Variants in ADK observed in about 807,000 individuals in gnomAD.
ADK encodes N6,N6-dimethyladenosine kinase.
In ADK, 24 loss-of-function variants were observed where a neutral mutation model predicts 44.7. The observed-to-expected ratio is 0.54, with a 90% CI of 0.39 to 0.76. The LOEUF is 0.76. Ranked by LOEUF, ADK falls within the 30% of genes least tolerant of loss-of-function variation. The pLI, the probability that ADK is intolerant of heterozygous loss-of-function variation, is 0.00. For synonymous variants in ADK, 128 were observed against 142.6 expected, an observed-to-expected ratio of 0.90 and a Z score of 0.73; for missense variants, 321 against 425.1, an observed-to-expected ratio of 0.76 and a Z score of 2.15.
At chr10:74,635,838 C>T (rs1021913261) in intron 9 of ADK, among the ~76,000 whole-genome samples, 1 of 151,630 alleles carries the variant, frequency 6.6e-6, no homozygotes, top group African/African-American at 2.4e-5. Context: ...AATCCCAATA[C>T]TTTGGGTGGC....
chr10:74,574,051 GA>G (rs1309021360), intron 7 of ADK, among the ~76,000 whole-genome samples: 1 of 152,138 alleles, frequency 6.6e-6, no homozygotes, highest in African/African-American at 2.4e-5. Context: ...CTAGTGAGAT[GA>G]ACCCGGTACC....
intron 1 of ADK, among the ~76,000 whole-genome samples, chr10:74,152,757 C>T (rs1841640745): frequency 6.6e-6 from 1 of 152,094 alleles, no homozygotes; most frequent in Non-Finnish European, 1.5e-5. Context: ...CCAAATAAAA[C>T]AATTAGTACA....
chr10:74,343,765 C>T (rs558806835), intron 4 of ADK, among the ~76,000 whole-genome samples: 115 of 152,220 alleles, frequency 7.6e-4, no homozygotes, highest in Middle Eastern at 3.4e-3. Context: ...CCCAGCACCA[C>T]GCCTAACTTA....
At chr10:74,547,551 G>A (rs1005655697) in intron 7 of ADK, among the ~76,000 whole-genome samples, 20 of 144,744 alleles carry the variant, frequency 1.4e-4, no homozygotes, top group Middle Eastern at 3.8e-3. Flanking sequence ...GTGCAATCTC[G>A]GCTCACTGCA....
chr10:74,563,561 A>T (rs1368274227), intron 7 of ADK, among the ~76,000 whole-genome samples: 1 of 152,216 alleles, frequency 6.6e-6, no homozygotes. Flanking sequence ...GAACTTTCTT[A>T]AATCTGAGTT....
chr10:74,403,677 C>A (rs760750282), intron 6 of ADK, among the ~76,000 whole-genome samples: 1 of 152,086 alleles, frequency 6.6e-6, no homozygotes, highest in South Asian at 2.1e-4. Flanking sequence ...AATGGAATTC[C>A]CCAACCCCTT....
chr10:74,620,684 G>A (rs1488293182), intron 9 of ADK, among the ~76,000 whole-genome samples: 2 of 151,900 alleles, frequency 1.3e-5, no homozygotes, highest in African/African-American at 4.8e-5. Flanking sequence ...TCTTTTCTCT[G>A]CATCCTCACC....
At chr10:74,441,557 A>G (rs1307352053) in intron 6 of ADK, among the ~76,000 whole-genome samples, 2 of 152,232 alleles carry the variant, frequency 1.3e-5, no homozygotes, top group Non-Finnish European at 2.9e-5. Context: ...AGACACAAAA[A>G]TGAACTCAAA....
intron 8 of ADK, among the ~76,000 whole-genome samples, chr10:74,595,884 C>T (rs769235165): frequency 8.0e-5 from 12 of 150,326 alleles, no homozygotes; most frequent in Non-Finnish European, 1.3e-4. Context: ...GTAATCCCAG[C>T]TACTCAGAAG....
intron 4 of ADK, among the ~76,000 whole-genome samples, chr10:74,332,874 A>G (rs1020512382): frequency 3.9e-5 from 6 of 152,200 alleles, no homozygotes; most frequent in Non-Finnish European, 7.4e-5. Flanking sequence ...ATGTTAAAAT[A>G]ATTTTAAGCT....
chr10:74,325,606 A>G (rs1355870853), intron 4 of ADK, among the ~76,000 whole-genome samples: 1 of 152,216 alleles, frequency 6.6e-6, no homozygotes, highest in Non-Finnish European at 1.5e-5. Context: ...TCAGAATAAT[A>G]GCTTTGGATT....
At chr10:74,330,206 T>C (rs1466473554) in intron 4 of ADK, among the ~76,000 whole-genome samples, 1 of 152,092 alleles carries the variant, frequency 6.6e-6, no homozygotes, top group Non-Finnish European at 1.5e-5. Flanking sequence ...TATTATCTAA[T>C]GTGGGTTTTT....
At chr10:74,237,934 A>C (rs1172309598) in intron 3 of ADK, among the ~76,000 whole-genome samples, 1 of 152,158 alleles carries the variant, frequency 6.6e-6, no homozygotes, top group African/African-American at 2.4e-5. Context: ...CCCCGTCTCT[A>C]CTAAGAATAG....
chr10:74,695,649 T>G (rs1258806430), intron 10 of ADK, among the ~76,000 whole-genome samples: 2 of 151,704 alleles, frequency 1.3e-5, no homozygotes, highest in Non-Finnish European at 2.9e-5. Flanking sequence ...TGTGTGTGTG[T>G]GTGTGTGTGA....
rs368367780 is a variant in ADK at position 74,493,828 on chromosome 10, A to T, written c.556-31428A>T. Among the ~76,000 whole-genome samples the T allele has an allele frequency of 1.2e-4, 18 of 152,282 alleles. No homozygotes were observed. In the East Asian group the frequency reaches 3.5e-3, roughly 29 times the overall value. ...TATGTGTACCTACCATGAATGTTTT[A>T]CCTCATCTTTGGTAAGGTCAGAAGT... On this transcript the variant is annotated intron_variant, in intron 6 of 10. Transcript: ENST00000539909.
intron 2 of ADK, among the ~76,000 whole-genome samples, chr10:74,209,035 C>T (rs1435705927): frequency 1.3e-5 from 2 of 152,176 alleles, no homozygotes; most frequent in African/African-American, 4.8e-5. Context: ...CCGCACCCAG[C>T]ATAGATAAGT....
chr10:74,217,261 T>C (rs1844083745), intron 2 of ADK, among the ~76,000 whole-genome samples: 1 of 152,352 alleles, frequency 6.6e-6, no homozygotes, highest in South Asian at 2.1e-4. Flanking sequence ...GGAGTCTTGC[T>C]GATTGCTAGC....
chr10:74,591,957 G>A (rs1014113272), intron 8 of ADK, among the ~76,000 whole-genome samples: 2 of 151,296 alleles, frequency 1.3e-5, no homozygotes, highest in African/African-American at 4.9e-5. Context: ...GTGTTTATTC[G>A]TCAGGAAATA....
At chr10:74,196,050 T>C (rs977368267) in intron 1 of ADK, among the ~76,000 whole-genome samples, 4 of 151,740 alleles carry the variant, frequency 2.6e-5, no homozygotes, top group Non-Finnish European at 5.9e-5. Flanking sequence ...ACCATCTACA[T>C]GCCTCAGCCT....
Sources: allele counts gnomAD v4.1 joint callset (sites outside exome capture counted in the v4.1 genomes callset), GRCh38; gene constraint gnomAD v4.1.1; transcripts MANE v1.5; gene names NCBI Gene and HGNC (gene_info 2026-07-23, HGNC 2026-07-21).